FBXO4: variants seen among roughly 807,000 people sequenced by gnomAD.
FBXO4 encodes F-box protein 4.
In FBXO4, 36 loss-of-function variants were observed where a neutral mutation model predicts 43.7. The observed-to-expected ratio is 0.82, with a 90% confidence interval of 0.63 to 1.09. The LOEUF is 1.09. Among genes scored for constraint, FBXO4 ranks in the 50% least tolerant of loss-of-function variants. FBXO4 has a pLI of 0.00. For missense variants in FBXO4, 435 were observed against 474.1 expected (o/e 0.92, Z 0.77); for synonymous variants, 180 against 165.6 (o/e 1.09, Z -0.67).
At chr5:41,960,261 G>A in the FBXO4 span, among the ~76,000 whole-genome samples, 1 of 151,848 alleles carries the variant, frequency 6.6e-6, no homozygotes, top group African/African-American at 2.4e-5. Flanking sequence ...TTTTGGCAGA[G>A]TCCTTAGGGT....
At chr5:42,002,266 G>A in the FBXO4 span, among the ~76,000 whole-genome samples, 1 of 152,134 alleles carries the variant, frequency 6.6e-6, no homozygotes, top group African/African-American at 2.4e-5. Context: ...TTTCCCAGAG[G>A]GTCGTTGTGC....
chr5:42,001,664 G>A, the FBXO4 span, among the ~76,000 whole-genome samples: 19 of 152,068 alleles, frequency 1.2e-4, no homozygotes, highest in South Asian at 3.9e-3. Context: ...GAATGGGATT[G>A]TTACCTTACT....
At chr5:41,979,651 T>C in the FBXO4 span, among the ~76,000 whole-genome samples, 2 of 152,166 alleles carry the variant, frequency 1.3e-5, no homozygotes, top group African/African-American at 4.8e-5. Flanking sequence ...CCAGTGCAAG[T>C]TGGTGCCAGC....
the FBXO4 span, among the ~76,000 whole-genome samples, chr5:42,007,323 A>G: frequency 6.6e-6 from 1 of 152,054 alleles, no homozygotes; most frequent in South Asian, 2.1e-4. Flanking sequence ...TTTACTGCCT[A>G]TGAATTGACT....
At chr5:41,952,241 T>A in the FBXO4 span, 1 of 154,450 alleles carries the variant, frequency 6.5e-6, no homozygotes, top group African/African-American at 2.4e-5. Context: ...AACAACTCCA[T>A]ATGGATCTCT....
the FBXO4 span, among the ~76,000 whole-genome samples, chr5:41,978,195 G>C: frequency 6.6e-6 from 1 of 152,046 alleles, no homozygotes; most frequent in Non-Finnish European, 1.5e-5. Context: ...CACCTCTTTT[G>C]AACTATAAGA....
chr5:42,010,867 T>A, the FBXO4 span, among the ~76,000 whole-genome samples: 1 of 152,098 alleles, frequency 6.6e-6, no homozygotes, highest in South Asian at 2.1e-4. Context: ...TATTTTCTGC[T>A]CTTTCTTTTT....
the FBXO4 span, among the ~76,000 whole-genome samples, chr5:41,982,340 G>A: frequency 6.6e-6 from 1 of 152,082 alleles, no homozygotes; most frequent in Non-Finnish European, 1.5e-5. Context: ...CTTCCACAAT[G>A]GTTGAACTAG....
At chr5:41,944,671 A>C (rs1328333083), downstream of FBXO4, among the ~76,000 whole-genome samples, 1 of 152,212 alleles carries the variant, frequency 6.6e-6, no homozygotes, top group African/African-American at 2.4e-5. Context: ...ATAAAGTTCA[A>C]TTTTTAGTGC....
chr5:42,000,143 G>A, the FBXO4 span, among the ~76,000 whole-genome samples: 2 of 152,076 alleles, frequency 1.3e-5, no homozygotes, highest in South Asian at 4.1e-4. Context: ...TGTCACAAAT[G>A]GCAGAATTTA....
chr5:41,953,767 ATG>A, the FBXO4 span, among the ~76,000 whole-genome samples: 1 of 151,210 alleles, frequency 6.6e-6, no homozygotes, highest in African/African-American at 2.4e-5. Context: ...GCATTTTTTC[ATG>A]TGTCTTTTGG....
chr5:41,996,198 C>T, the FBXO4 span, among the ~76,000 whole-genome samples: 1 of 152,168 alleles, frequency 6.6e-6, no homozygotes, highest in Non-Finnish European at 1.5e-5. Flanking sequence ...AGCCTGATCA[C>T]ATATATACCA....
In FBXO4 at chr5:41,941,291, C is replaced by T. The variant is rs772842372; in HGVS notation, c.*10C>T. 1 of 1,610,006 alleles carries T rather than the reference C, an allele frequency of 6.2e-7. No individual in the cohort carries two copies. The highest frequency in any genetic ancestry group is 8.5e-7 in the Non-Finnish European group (1 of 1,176,522). ...TAAGCGTGCAAGATGATTCTCTTTTCAGATCTTGGGAACTGAAACCATTTG... is the reference window on the plus strand; with the variant it reads ...TAAGCGTGCAAGATGATTCTCTTTTTAGATCTTGGGAACTGAAACCATTTG... On this transcript the variant is annotated 3_prime_UTR_variant, in exon 7 of 7. Coordinates refer to ENST00000281623, the MANE Select transcript of FBXO4 (RefSeq NM_012176.3).
At chr5:42,002,341 A>G in the FBXO4 span, among the ~76,000 whole-genome samples, 1 of 152,208 alleles carries the variant, frequency 6.6e-6, no homozygotes, top group Non-Finnish European at 1.5e-5. Flanking sequence ...AGCACCATTA[A>G]AGAGTGGCTC....
At chr5:41,935,008 T>C in intron 5 of FBXO4, 1 of 985,194 alleles carries the variant, frequency 1.0e-6, no homozygotes, top group Non-Finnish European at 1.2e-6. Flanking sequence ...TTCCCTGTGA[T>C]CTGTTAGGCA....
chr5:41,973,157 AT>A, the FBXO4 span, among the ~76,000 whole-genome samples: 1 of 152,182 alleles, frequency 6.6e-6, no homozygotes, highest in Admixed American at 6.5e-5. Context: ...GGGAAAAAAT[AT>A]TTTTGAAGTA....
At position 41,941,248 on chromosome 5, in the gene FBXO4, T is replaced by G. The variant is rs149145775; in HGVS notation, c.1131T>G (p.Ile377Met). 1,903 of 1,613,778 alleles carry G rather than the reference T, an allele frequency of 1.2e-3. 4 individuals carry two copies. The highest frequency in any genetic ancestry group is 1.4e-3 in the Non-Finnish European group (1,600 of 1,179,758). Residue 377 changes from isoleucine to methionine, a missense_variant, in exon 7 of 7, where the codon ATT becomes ATG. Ile to Met is a conservative substitution (Grantham distance 10). Coordinates refer to ENST00000281623, the MANE Select transcript of FBXO4 (RefSeq NM_012176.3). The part of the protein sequence containing the change: ...LTGFLNGIEW[I>M]LEEVESKRAR ...GTTTTTTGAATGGCATTGAGTGGAT[T>G]CTTGAAGAAGTGGAATCTAAGCGTG...
chr5:41,985,137 C>T, the FBXO4 span, among the ~76,000 whole-genome samples: 3 of 152,184 alleles, frequency 2.0e-5, no homozygotes, highest in African/African-American at 7.2e-5. Context: ...AACATCCAGC[C>T]TTGTGATTTT....
chr5:41,929,450 C>T (rs377042116), intron 2 of FBXO4, among the ~76,000 whole-genome samples: 1 of 152,108 alleles, frequency 6.6e-6, no homozygotes, highest in South Asian at 2.1e-4. Flanking sequence ...AGTAAGTAAC[C>T]ACTTCATGGG....
Sources: gnomAD v4.1 joint callset for allele counts (sites outside exome capture counted in the v4.1 genomes callset) on GRCh38, gnomAD v4.1.1 for gene constraint, MANE v1.5 for transcripts, NCBI Gene and HGNC (gene_info 2026-07-23, HGNC 2026-07-21) for gene names.